RABIF: variants seen among roughly 807,000 people sequenced by gnomAD.
RABIF encodes the protein guanine nucleotide exchange factor MSS4.
RABIF carries 13 observed loss-of-function variants against 12.3 expected under a neutral mutation model. The ratio of observed to expected loss-of-function variants is 1.06; its 90% CI spans 0.69 to 1.68. The LOEUF (loss-of-function observed/expected upper bound fraction) is 1.68. RABIF is among the 40% of genes most tolerant of loss of function. The probability of loss-of-function intolerance (pLI) is 0.00; values close to 1 mark genes in which losing one functional copy is unlikely to be tolerated. For missense variants in RABIF, 153 were observed against 158.0 expected (o/e 0.97, Z 0.17); for synonymous variants, 70 against 63.3 (o/e 1.11, Z -0.50).
At chr1:202,882,240 C>T (rs1659501719) in intron 1 of RABIF, among the ~76,000 whole-genome samples, 1 of 152,044 alleles carries the variant, frequency 6.6e-6, no homozygotes, top group African/African-American at 2.4e-5. Context: ...AATTAGCAGG[C>T]TGTGGTAGTG....
Position 202,881,172 on chromosome 1 carries a change from G to C in RABIF, c.178C>G (p.Pro60Ala). The C allele has an allele frequency of 6.2e-7, 1 of 1,614,182 alleles. No individual in the cohort carries two copies. Among genetic ancestry groups the C allele is most frequent in the Non-Finnish European group, 8.5e-7 (1 of 1,180,036 alleles). The change falls in exon 2 of 2, where the codon CCT (proline) becomes GCT (alanine). Residue 60 changes from proline (P) to alanine (A), a missense_variant. Around this residue, in one of 2 missense-constraint regions of RABIF, gnomAD observed 113 missense variants for 90.9 expected, o/e 1.24. Transcript: ENST00000367262. The stretch of plus-strand genomic sequence containing the variant: ...TGTTCCTGGAGGAGATCGCCGTCAG[G>C]ATTGCTGCCGTCAGACAGAGCTGGC... The part of the protein sequence containing the change: ...KKPALSDGSN[P>A]DGDLLQEHWL...
chr1:202,888,869 A>G, intron 1 of RABIF, 104 bp downstream of exon 1: 3 of 1,400,300 alleles, frequency 2.1e-6, no homozygotes, highest in Middle Eastern at 2.3e-4. Context: ...CCGCGCGAGG[A>G]GGGCGCGGTT....
Position 202,880,870 on chromosome 1 carries a change from T to C in RABIF, c.*108A>G, listed in dbSNP as rs1659478083. Reference sequence around the variant, plus strand: ...TGGACATGCTGGTACTCAGTATTTATATTAGCACAGACAAGAAGGCAGCGG... The same window carrying C: ...TGGACATGCTGGTACTCAGTATTTACATTAGCACAGACAAGAAGGCAGCGG... On this transcript the variant is annotated 3_prime_UTR_variant, in exon 2 of 2. Coordinates refer to ENST00000367262, the MANE Select transcript of RABIF (RefSeq NM_002871.5). The C allele has an allele frequency of 5.9e-6, 9 of 1,532,082 alleles. No individual in the cohort carries two copies. In the Admixed American group the frequency reaches 1.8e-4, roughly 31 times the overall value. 94.9% of individuals were successfully genotyped at this position (1,532,082 alleles called of 1,614,324 possible). A position where few individuals can be genotyped will look rare whatever the true frequency, so the allele number is the denominator to read the frequency against.
intron 1 of RABIF, 136 bp downstream of exon 1, chr1:202,888,837 G>C: frequency 1.6e-6 from 2 of 1,239,996 alleles, no homozygotes; most frequent in South Asian, 3.5e-5. Context: ...CCGAGCTGAG[G>C]CCCGAGGGGC....
chr1:202,878,728 G>A lies in RABIF; in HGVS notation c.*2250C>T, dbSNP rs1361147966. ...TAGAAAACGGAAGTTTCTATACTCGGAGCAGAAAGCACAGGTTGCCTCTAT... is the reference window on the plus strand; with the variant it reads ...TAGAAAACGGAAGTTTCTATACTCGAAGCAGAAAGCACAGGTTGCCTCTAT... On this transcript the variant is annotated 3_prime_UTR_variant, in exon 2 of 2. Coordinates refer to ENST00000367262, the MANE Select transcript of RABIF (RefSeq NM_002871.5). Among the ~76,000 whole-genome samples the A allele has an allele frequency of 1.3e-5, 2 of 152,170 alleles. No homozygotes were observed. The highest frequency in any genetic ancestry group is 3.8e-4 in the East Asian group (2 of 5,196).
intron 1 of RABIF, among the ~76,000 whole-genome samples, chr1:202,883,238 C>T (rs1659517402): frequency 6.6e-6 from 1 of 152,114 alleles, no homozygotes; most frequent in Non-Finnish European, 1.5e-5. Flanking sequence ...CTCTACATTG[C>T]CCAGGCTGGG....
Position 202,889,132 on chromosome 1 carries a change from T to G in RABIF, c.-34A>C, listed in dbSNP as rs756148865. 6.3e-7 allele frequency: 1 copy of G among 1,583,374 alleles called. No individual in the cohort carries two copies. The highest frequency in any genetic ancestry group is 1.4e-5 in the African/African-American group (1 of 73,720). The stretch of plus-strand genomic sequence containing the variant: ...CCGCCACAGGCTCCTCAGCCACGGC[T>G]GCGCAGACGCTGTCTCTGCTGGCTC... On this transcript the variant is annotated 5_prime_UTR_variant, in exon 1 of 2. Coordinates refer to ENST00000367262, the MANE Select transcript of RABIF (RefSeq NM_002871.5).
Position 202,889,103 on chromosome 1 carries a change from G to C in RABIF, c.-5C>G, listed in dbSNP as rs1327639223. The stretch of plus-strand genomic sequence containing the variant: ...CGGCTGCTCCGCTGGTTCCATCGCC[G>C]CTGCCGCCACAGGCTCCTCAGCCAC... On this transcript the variant is annotated 5_prime_UTR_variant, in exon 1 of 2. Transcript: ENST00000367262. The C allele has an allele frequency of 1.3e-6, 2 of 1,599,678 alleles. No individual in the cohort carries two copies. The highest frequency in any genetic ancestry group is 2.3e-5 in the East Asian group (1 of 43,936).
At chr1:202,886,341 G>C (rs1659562304) in intron 1 of RABIF, among the ~76,000 whole-genome samples, 2 of 146,954 alleles carry the variant, frequency 1.4e-5, no homozygotes, top group East Asian at 4.1e-4. Context: ...AAGGGAGGGA[G>C]GGGAAGGCAG....
chr1:202,881,334 G>C (rs768335339), intron 1 of RABIF, 111 bp from the exon 2 acceptor site: 82 of 1,422,454 alleles, frequency 5.8e-5, no homozygotes, highest in Non-Finnish European at 7.4e-5. Flanking sequence ...GACAAAAAAA[G>C]AGAAGCCCTC....
At chr1:202,883,343 ATT>A (rs1659518309) in intron 1 of RABIF, among the ~76,000 whole-genome samples, 1 of 152,162 alleles carries the variant, frequency 6.6e-6, no homozygotes, top group African/African-American at 2.4e-5. Flanking sequence ...TACTCCAGTC[ATT>A]CTTTTTGCCT....
rs2102395163 is a variant in RABIF, at chr1:202,880,844, A to G, written c.*134T>C. ...CAGGATTAACCCTCTGCATGTTCAA[A>G]TGGACATGCTGGTACTCAGTATTTA... On this transcript the variant is annotated 3_prime_UTR_variant, in exon 2 of 2. Transcript: ENST00000367262. 1 of 1,485,656 alleles carries G rather than the reference A, an allele frequency of 6.7e-7. No homozygotes were observed. The highest frequency in any genetic ancestry group is 1.4e-5 in the South Asian group (1 of 71,230). 92.0% of individuals were successfully genotyped at this position (1,485,656 alleles called of 1,614,324 possible).
rs1659467299 is a variant in RABIF, at chr1:202,880,226, G to C, written c.*752C>G. 1 of 152,276 alleles carries C rather than the reference G, an allele frequency of 6.6e-6. No individual in the cohort carries two copies. Among genetic ancestry groups the C allele is most frequent in the Admixed American group, 6.5e-5 (1 of 15,286 alleles). 9.4% of individuals were successfully genotyped at this position (152,276 alleles called of 1,614,324 possible). ...CATTCTAAGAGAGCCTGAGTAAACA[G>C]CCAGGGCTGGGTTTTCCTTGAATGG... On this transcript the variant is annotated 3_prime_UTR_variant, in exon 2 of 2. Coordinates refer to ENST00000367262, the MANE Select transcript of RABIF (RefSeq NM_002871.5).
At chr1:202,882,710 T>C (rs1227592063) in intron 1 of RABIF, among the ~76,000 whole-genome samples, 3 of 151,998 alleles carry the variant, frequency 2.0e-5, no homozygotes, top group Non-Finnish European at 2.9e-5. Context: ...GAAATTATCG[T>C]ATTAATTTAT....
chr1:202,885,142 A>T (rs1046252716), intron 1 of RABIF, among the ~76,000 whole-genome samples: 1 of 152,044 alleles, frequency 6.6e-6, no homozygotes, highest in African/African-American at 2.4e-5. Flanking sequence ...GCTTAACAGC[A>T]ACCCTGGCTT....
intron 1 of RABIF, 42 bp downstream of exon 1, chr1:202,888,931 G>C (rs377451642): frequency 2.0e-6 from 3 of 1,486,162 alleles, no homozygotes; most frequent in African/African-American, 2.8e-5. Flanking sequence ...GGCTCGTCGG[G>C]GGAGACTGTG....
At chr1:202,887,859 AT>A (rs1659586991) in intron 1 of RABIF, among the ~76,000 whole-genome samples, 1 of 152,168 alleles carries the variant, frequency 6.6e-6, no homozygotes, top group Non-Finnish European at 1.5e-5. Context: ...GTATGTTTCA[AT>A]TCCAAGATCC....
intron 1 of RABIF, among the ~76,000 whole-genome samples, chr1:202,885,086 CAAAAAAAAAAAA>C (rs113531957): frequency 4.1e-5 from 5 of 120,604 alleles, no homozygotes; most frequent in East Asian, 3.3e-4. Flanking sequence ...GACTCTATCT[CAAAAAAAAAAAA>C]AAAAAAAAAA....
chr1:202,883,051 A>C (rs1659514399), intron 1 of RABIF, among the ~76,000 whole-genome samples: 1 of 152,172 alleles, frequency 6.6e-6, no homozygotes, highest in Non-Finnish European at 1.5e-5. Context: ...CAGTTGCTTT[A>C]ATTTCTTCAA....
Sources: allele counts gnomAD v4.1 joint callset (sites outside exome capture counted in the v4.1 genomes callset), GRCh38; gene constraint gnomAD v4.1.1; regional missense constraint gnomAD v4.1.1; transcripts MANE v1.5; gene names NCBI Gene and HGNC (gene_info 2026-07-23, HGNC 2026-07-21).